WDR81: variants seen among roughly 807,000 people sequenced by gnomAD.
WDR81 encodes the protein WD repeat domain 81.
Under a neutral mutation model 140.8 loss-of-function variants are expected in WDR81, and 92 were observed. The ratio of observed to expected loss-of-function variants is 0.65; its 90% CI spans 0.55 to 0.78. WDR81 has a LOEUF of 0.78. WDR81 is among the 30% of genes least tolerant of loss of function. The pLI is 0.00. For synonymous variants in WDR81, 1,183 were observed against 1,156.4 expected (o/e 1.02, Z -0.47); for missense variants, 2,502 against 2,636.4 (o/e 0.95, Z 1.12).
At position 1,734,020 on chromosome 17, in the gene WDR81, C is replaced by G; in HGVS notation, c.4983C>G (p.Asp1661Glu). The change falls in exon 7 of 10, where the codon GAC becomes GAG. Residue 1661 changes from aspartate (D) to glutamate (E), a missense_variant. This residue lies in a region of WDR81 where 1,737 missense variants were observed against 1,843.0 expected (regional missense o/e 0.94). Coordinates refer to ENST00000409644, the MANE Select transcript of WDR81 (RefSeq NM_001163809.2). ...VKCVAPLSSEDFFLSGSKDRT... is the reference protein window; with the variant it reads ...VKCVAPLSSEEFFLSGSKDRT... ...GCGTGGCACCCCTAAGCAGCGAGGA[C>G]TTCTTCCTGAGCGGCAGCAAGGATC... The G allele has an allele frequency of 6.2e-7, 1 of 1,612,172 alleles. No individual in the cohort carries two copies. The highest frequency in any genetic ancestry group is 8.5e-7 in the Non-Finnish European group (1 of 1,179,930).
upstream of WDR81, among the ~76,000 whole-genome samples, chr17:1,724,161 G>C (rs1011155694): frequency 3.3e-5 from 5 of 151,866 alleles, no homozygotes; most frequent in Non-Finnish European, 7.4e-5. Context: ...CCAGGAGTTC[G>C]AGATCAGCCT....
chr17:1,734,950 A>G (rs532381078), intron 7 of WDR81, among the ~76,000 whole-genome samples: 83 of 152,226 alleles, frequency 5.5e-4, no homozygotes, highest in African/African-American at 1.7e-3. Flanking sequence ...GGTCAGCAGC[A>G]CTGTGCAGAG....
intron 1 of WDR81, among the ~76,000 whole-genome samples, chr17:1,719,142 G>C (rs1043826611): frequency 3.2e-4 from 48 of 152,184 alleles, no homozygotes; most frequent in African/African-American, 1.1e-3. Flanking sequence ...TCAAATTCCA[G>C]CTCTTACTAG....
chr17:1,728,221 G>C lies in WDR81; in HGVS notation c.3262G>C (p.Gly1088Arg), dbSNP rs780141508. The change falls in exon 1 of 10, where the codon GGG becomes CGG. Residue 1088 changes from glycine to arginine, a missense_variant. Transcript: ENST00000409644. ...DLPETEDFQA[G>R]LYVTESPQPQ... ...CCCTGAGACAGAGGACTTCCAAGCC[G>C]GGCTCTATGTGACTGAGTCTCCCCA... 1.6e-5 allele frequency: 25 copies of C among 1,605,822 alleles called. No homozygotes were observed. The African/African-American group carries it at 2.1e-4, about 14-fold the overall frequency.
At position 1,730,414 on chromosome 17, in the gene WDR81, C is replaced by G. The variant is rs766877166; in HGVS notation, c.3702C>G (p.Ala1234=). Residue 1234 remains alanine (A), a synonymous_variant, in exon 2 of 10, where the codon GCC becomes GCG. Transcript: ENST00000409644. ...TACKMVRWLS[A]KLGPTVASRH... ...GCAAGATGGTCCGCTGGCTGTCTGC[C>G]AAGCTCGGCCCCACAGTGGCCTCTC... The G allele has an allele frequency of 1.6e-5, 26 of 1,613,030 alleles. No homozygotes were observed. The highest frequency in any genetic ancestry group is 2.1e-5 in the Non-Finnish European group (25 of 1,179,914).
chr17:1,724,110 A>T (rs1915044892), upstream of WDR81, among the ~76,000 whole-genome samples: 2 of 151,842 alleles, frequency 1.3e-5, no homozygotes, highest in Non-Finnish European at 2.9e-5. Context: ...CACGCCTGTC[A>T]TCCCAGCACC....
chr17:1,719,625 AG>A (rs927741633), intron 1 of WDR81, among the ~76,000 whole-genome samples: 2 of 151,674 alleles, frequency 1.3e-5, no homozygotes, highest in Admixed American at 6.6e-5. Context: ...GCACTTTGGG[AG>A]GCCGAAGCAG....
In WDR81 at chr17:1,725,866, C is replaced by A; in HGVS notation, c.907C>A (p.Leu303Met). The change falls in exon 1 of 10, where the codon CTG (leucine) becomes ATG (methionine). Residue 303 changes from leucine (L) to methionine (M), a missense_variant. Leu to Met is a conservative substitution (Grantham distance 15). Coordinates refer to ENST00000409644, the MANE Select transcript of WDR81 (RefSeq NM_001163809.2). ...EKLCSELRLD[L>M]SAYERPEEDE... ...GCTTTGCAGCGAGCTGCGACTGGAC[C>A]TGAGTGCTTATGAGAGGCCCGAGGA... 6.4e-7 allele frequency: 1 copy of A among 1,550,850 alleles called. No individual in the cohort carries two copies. Among genetic ancestry groups the A allele is most frequent in the Non-Finnish European group, 8.7e-7 (1 of 1,146,910 alleles).
intron 9 of WDR81, among the ~76,000 whole-genome samples, 171 bp downstream of exon 9, chr17:1,736,389 C>G (rs1904871088): frequency 6.6e-6 from 1 of 152,164 alleles, no homozygotes. Flanking sequence ...CCTTGGGAGC[C>G]AGTTGCACTG....
chr17:1,720,539 G>A (rs556429846), upstream of WDR81, among the ~76,000 whole-genome samples: 1 of 152,286 alleles, frequency 6.6e-6, no homozygotes, highest in South Asian at 2.1e-4. Flanking sequence ...CACTTTGGGA[G>A]GCGGAGGCGG....
At chr17:1,723,791 G>T (rs67735224), upstream of WDR81, among the ~76,000 whole-genome samples, 35,132 of 151,710 alleles carry the variant, frequency 0.23, 5,040 homozygotes, top group East Asian at 0.5. Context: ...GGCCAGTTTT[G>T]TTTTTTAAAA....
Position 1,737,521 on chromosome 17 carries a change from T to A in WDR81, c.5662T>A (p.Ser1888Thr). Residue 1888 changes from serine (S) to threonine (T), a missense_variant, in exon 10 of 10, where the codon TCC becomes ACC. By Grantham distance (58) the Ser-to-Thr change is moderately conservative. This residue lies in a region of WDR81 where 1,737 missense variants were observed against 1,843.0 expected (regional missense o/e 0.94). Coordinates refer to ENST00000409644, the MANE Select transcript of WDR81 (RefSeq NM_001163809.2). ...CAGCGAGGTGGTCACTGGCACCGTGTCCAACAAGATTGGCGTCTGCTCCCT... is the reference window on the plus strand; with the variant it reads ...CAGCGAGGTGGTCACTGGCACCGTGACCAACAAGATTGGCGTCTGCTCCCT... ...YGSEVVTGTV[S>T]NKIGVCSLLE... is the part of the protein sequence containing the mutation. 6.2e-7 allele frequency: 1 copy of A among 1,613,096 alleles called. No homozygotes were observed. The highest frequency in any genetic ancestry group is 8.5e-7 in the Non-Finnish European group (1 of 1,179,984).
At chr17:1,718,354 G>A (rs1914699513) in intron 1 of WDR81, among the ~76,000 whole-genome samples, 1 of 152,184 alleles carries the variant, frequency 6.6e-6, no homozygotes, top group Admixed American at 6.5e-5. Flanking sequence ...CTCACCTCAG[G>A]TGATCCACCC....
chr17:1,734,106 G>A lies in WDR81; in HGVS notation c.5069G>A (p.Arg1690His), dbSNP rs146885861. 9.2e-6 allele frequency: 14 copies of A among 1,526,222 alleles called. No homozygotes were observed. Among genetic ancestry groups the A allele is most frequent in the African/African-American group, 7.4e-5 (5 of 67,822 alleles). The allele number at this position is 1,526,222 out of a possible 1,614,324, so 94.5% of individuals were successfully genotyped here. The change falls in exon 7 of 10, where the codon CGC becomes CAC. Residue 1690 changes from arginine to histidine, a missense_variant. Arg to His is a conservative substitution (Grantham distance 29, BLOSUM62 0). Coordinates refer to ENST00000409644, the MANE Select transcript of WDR81 (RefSeq NM_001163809.2). ...YGDGTSETAP[R>H]LVYTQHRKSV... ...GACGGGACCAGCGAGACGGCCCCACGCCTCGTCTACACCCAGCACCGCAAG... is the reference window on the plus strand; with the variant it reads ...GACGGGACCAGCGAGACGGCCCCACACCTCGTCTACACCCAGCACCGCAAG...
intron 7 of WDR81, 135 bp downstream of exon 7, chr17:1,734,351 T>A (rs1387438523): frequency 1.9e-6 from 2 of 1,060,390 alleles, no homozygotes; most frequent in Non-Finnish European, 2.6e-6. Flanking sequence ...GGAGAACAGT[T>A]AGGGCTTCGA....
upstream of WDR81, among the ~76,000 whole-genome samples, chr17:1,723,170 G>A (rs185035722): frequency 1.6e-4 from 25 of 152,292 alleles, no homozygotes; most frequent in East Asian, 4.4e-3. Context: ...GAGGAATCAT[G>A]TTGCTTTGGT....
At position 1,727,843 on chromosome 17, in the gene WDR81, C is replaced by T; in HGVS notation, c.2884C>T (p.Leu962Phe). Residue 962 changes from leucine to phenylalanine, a missense_variant, in exon 1 of 10, where the codon CTC becomes TTC. Physicochemically the swap from Leu to Phe is conservative, Grantham distance 22. Transcript: ENST00000409644. ...ALGPKNANKYLLKPLIGAYES... is the reference protein window; with the variant it reads ...ALGPKNANKYFLKPLIGAYES... ...GGGCCCCAAAAATGCCAATAAGTAC[C>T]TCCTGAAGCCGCTCATTGGTGCCTA... The T allele has an allele frequency of 6.4e-7, 1 of 1,550,656 alleles. No homozygotes were observed. Among genetic ancestry groups the T allele is most frequent in the Non-Finnish European group, 8.7e-7 (1 of 1,147,058 alleles).
Position 1,724,784 on chromosome 17 carries a change from G to A in WDR81, c.-176G>A, listed in dbSNP as rs1915106542. ...GCGCCCGGAGCGCAGGACCCGCGGA[G>A]GGGTAAGCGCGCCCCCCGTCCGCCT... On this transcript the variant is annotated 5_prime_UTR_variant, in exon 1 of 10. Coordinates refer to ENST00000409644, the MANE Select transcript of WDR81 (RefSeq NM_001163809.2). 9 of 1,172,922 alleles carry A rather than the reference G, an allele frequency of 7.7e-6. No homozygotes were observed. The highest frequency in any genetic ancestry group is 9.5e-6 in the Non-Finnish European group (9 of 950,044). The allele number at this position is 1,172,922 out of a possible 1,614,324, so 72.7% of individuals were successfully genotyped here.
chr17:1,723,791 G>GT (rs1157551890), upstream of WDR81, among the ~76,000 whole-genome samples: 1 of 151,762 alleles, frequency 6.6e-6, no homozygotes, highest in African/African-American at 2.4e-5. Flanking sequence ...GGCCAGTTTT[G>GT]TTTTTTAAAA....
Sources: allele counts gnomAD v4.1 joint callset (sites outside exome capture counted in the v4.1 genomes callset), GRCh38; gene constraint gnomAD v4.1.1; regional missense constraint gnomAD v4.1.1; transcripts MANE v1.5; gene names NCBI Gene and HGNC (gene_info 2026-07-23, HGNC 2026-07-21).